The following GLG1 variants were observed in gnomAD, a reference collection of about 807,000 sequenced individuals.
GLG1 encodes Golgi apparatus protein 1.
A neutral mutation model predicts 160.5 loss-of-function variants in GLG1; 38 were observed. That is an observed-to-expected ratio of 0.24 (90% CI 0.18 to 0.31). The LOEUF (loss-of-function observed/expected upper bound fraction) is 0.31. Among genes scored for constraint, GLG1 ranks in the 10% least tolerant of loss-of-function variants. The probability of loss-of-function intolerance (pLI) is 1.00; values close to 1 mark genes in which losing one functional copy is unlikely to be tolerated. For missense variants in GLG1, 1,373 were observed against 1,505.2 expected (o/e 0.91, Z 1.45); for synonymous variants, 644 against 543.4 (o/e 1.19, Z -2.57).
At chr16:74,529,588 T>A (rs2017459843) in intron 2 of GLG1, among the ~76,000 whole-genome samples, 1 of 152,100 alleles carries the variant, frequency 6.6e-6, no homozygotes, top group Non-Finnish European at 1.5e-5. Flanking sequence ...CTACTTTATC[T>A]CTTGATATCT....
chr16:74,595,604 A>T (rs1958280930), intron 1 of GLG1, among the ~76,000 whole-genome samples: 1 of 152,224 alleles, frequency 6.6e-6, no homozygotes, highest in Non-Finnish European at 1.5e-5. Context: ...GTACGCCTAC[A>T]GCATTTAATT....
chr16:74,521,054 T>C (rs1280039980), intron 2 of GLG1, among the ~76,000 whole-genome samples: 4 of 151,694 alleles, frequency 2.6e-5, no homozygotes, highest in Admixed American at 1.3e-4. Flanking sequence ...CATAAGAGAG[T>C]AAGAGAAGGA....
intron 2 of GLG1, among the ~76,000 whole-genome samples, chr16:74,531,269 T>C (rs1469762388): frequency 6.6e-6 from 1 of 152,110 alleles, no homozygotes; most frequent in African/African-American, 2.4e-5. Context: ...AGAGTGACTT[T>C]TGCCACATAT....
In GLG1 at chr16:74,540,049, ATATATATTT is replaced by A. The variant is rs2017802569; in HGVS notation, c.439-7905_439-7897del. ...ATTATATATATTTTATATATATATT[ATATATATTT>A]TATATATATATATTATATATATTTT... is the stretch of plus-strand genomic sequence containing the variant. On this transcript the variant is annotated intron_variant, in intron 1 of 25. Coordinates refer to ENST00000422840, the MANE Select transcript of GLG1 (RefSeq NM_001145667.2). Among the ~76,000 whole-genome samples, 3 of 2,596 alleles carry A rather than the reference ATATATATTT, an allele frequency of 1.2e-3. 1 individual carries two copies. The highest frequency in any genetic ancestry group is 2.4e-3 in the Non-Finnish European group (3 of 1,232). The allele number at this position is 2,596 out of a possible 152,430, so 1.7% of individuals were successfully genotyped here. A position where few individuals can be genotyped will look rare whatever the true frequency, so the allele number is the denominator to read the frequency against.
intron 12 of GLG1, among the ~76,000 whole-genome samples, chr16:74,475,366 G>A (rs973764421): frequency 2.6e-5 from 4 of 152,088 alleles, no homozygotes; most frequent in Non-Finnish European, 4.4e-5. Context: ...TCACAGTGAA[G>A]AGCACAGATT....
At chr16:74,555,614 A>C (rs1360168438) in intron 1 of GLG1, among the ~76,000 whole-genome samples, 1 of 152,022 alleles carries the variant, frequency 6.6e-6, no homozygotes, top group Non-Finnish European at 1.5e-5. Flanking sequence ...CACTTAAGCC[A>C]GGAATTCAAG....
intron 1 of GLG1, among the ~76,000 whole-genome samples, chr16:74,571,010 C>A (rs1038997424): frequency 2.0e-5 from 3 of 151,684 alleles, no homozygotes; most frequent in African/African-American, 4.8e-5. Context: ...TGAATCTGGG[C>A]ATGGCTACCT....
At chr16:74,556,066 T>A (rs143092655) in intron 1 of GLG1, among the ~76,000 whole-genome samples, 140 of 152,302 alleles carry the variant, frequency 9.2e-4, no homozygotes, top group African/African-American at 3.2e-3. Context: ...CTCCAGCTCC[T>A]GGGCTCAAGC....
At chr16:74,532,529 T>G (rs1363284908) in intron 1 of GLG1, among the ~76,000 whole-genome samples, 3 of 152,212 alleles carry the variant, frequency 2.0e-5, no homozygotes, top group Admixed American at 1.3e-4. Context: ...TTTATTTATT[T>G]TTTATTTTTT....
intron 11 of GLG1, among the ~76,000 whole-genome samples, chr16:74,479,817 G>A (rs1299499497): frequency 1.3e-5 from 2 of 152,172 alleles, no homozygotes; most frequent in Non-Finnish European, 2.9e-5. Flanking sequence ...ACTGAGGTAT[G>A]GAGGTTTCTG....
chr16:74,503,110 G>C (rs1339709798), intron 4 of GLG1, among the ~76,000 whole-genome samples: 2 of 151,928 alleles, frequency 1.3e-5, no homozygotes, highest in African/African-American at 4.8e-5. Flanking sequence ...AGGAGGCTGA[G>C]GCAGGAGAAT....
At chr16:74,498,770 C>A (rs576182188) in intron 4 of GLG1, among the ~76,000 whole-genome samples, 1 of 136,950 alleles carries the variant, frequency 7.3e-6, no homozygotes, top group Non-Finnish European at 1.5e-5. Flanking sequence ...GAAGCTGAGG[C>A]GAGAGAATTG....
chr16:74,551,364 G>C (rs558257414), intron 1 of GLG1, among the ~76,000 whole-genome samples: 11 of 151,672 alleles, frequency 7.3e-5, no homozygotes, highest in Non-Finnish European at 1.6e-4. Context: ...GTGTGATTTC[G>C]GCTCACTGCA....
chr16:74,560,236 A>G (rs1008566175), intron 1 of GLG1, among the ~76,000 whole-genome samples: 1 of 152,100 alleles, frequency 6.6e-6, no homozygotes, highest in Non-Finnish European at 1.5e-5. Flanking sequence ...TCTGAATAGA[A>G]CAAAAAGGCT....
At chr16:74,491,676 T>A (rs1412107580) in intron 7 of GLG1, among the ~76,000 whole-genome samples, 1 of 39,916 alleles carries the variant, frequency 2.5e-5, no homozygotes, top group Admixed American at 3.1e-4. Flanking sequence ...TCTCACTGTG[T>A]CACCCAGGCT....
intron 1 of GLG1, among the ~76,000 whole-genome samples, chr16:74,544,484 C>T (rs545356735): frequency 2.6e-5 from 4 of 151,520 alleles, no homozygotes; most frequent in African/African-American, 9.7e-5. Context: ...CCAAGCCTGG[C>T]TAATTTTGTT....
intron 12 of GLG1, 93 bp downstream of exon 12, chr16:74,477,303 A>C (rs2015418318): frequency 1.0e-6 from 1 of 962,458 alleles, no homozygotes. Flanking sequence ...TAAGGTAAAG[A>C]GAGATGGATT....
chr16:74,458,137 T>C, intron 23 of GLG1, 143 bp from the exon 24 acceptor site: 2 of 682,356 alleles, frequency 2.9e-6, no homozygotes, highest in Non-Finnish European at 5.1e-6. Context: ...GGTTGCAAGG[T>C]GGTGATGATG....
chr16:74,452,053 A>G lies in GLG1; in HGVS notation c.*1114T>C. Reference sequence around the variant, plus strand: ...GGAAGTTTGTCTGGAGTGTGCAGAAAGGTCAGGCTGGACTGCCTGTCACAT... The same window carrying G: ...GGAAGTTTGTCTGGAGTGTGCAGAAGGGTCAGGCTGGACTGCCTGTCACAT... On this transcript the variant is annotated 3_prime_UTR_variant, in exon 26 of 26. Transcript: ENST00000422840. The G allele has an allele frequency of 6.2e-7, 1 of 1,608,488 alleles. No homozygotes were observed. The highest frequency in any genetic ancestry group is 8.5e-7 in the Non-Finnish European group (1 of 1,174,830).
Sources: gnomAD v4.1 joint callset for allele counts (sites outside exome capture counted in the v4.1 genomes callset) on GRCh38, gnomAD v4.1.1 for gene constraint, MANE v1.5 for transcripts, NCBI Gene and HGNC (gene_info 2026-07-23, HGNC 2026-07-21) for gene names.